Variants in FNDC1 observed in about 807,000 individuals in gnomAD.
FNDC1 encodes the protein fibronectin type III domain containing 1.
FNDC1 carries 96 observed loss-of-function variants against 168.0 expected under a neutral mutation model. That is an observed-to-expected ratio of 0.57 (90% CI 0.48 to 0.68). The LOEUF (loss-of-function observed/expected upper bound fraction) is 0.68. Among genes scored for constraint, FNDC1 ranks in the 30% least tolerant of loss-of-function variants. The probability of loss-of-function intolerance (pLI) is 0.00; values close to 1 mark genes in which losing one functional copy is unlikely to be tolerated. For missense variants in FNDC1, 2,587 were observed against 2,482.1 expected, an observed-to-expected ratio of 1.04 and a Z score of -0.90; for synonymous variants, 1,099 against 1,025.9, an observed-to-expected ratio of 1.07 and a Z score of -1.36.
chr6:159,192,221 T>C (rs1010552124), intron 1 of FNDC1, among the ~76,000 whole-genome samples: 9 of 152,114 alleles, frequency 5.9e-5, no homozygotes, highest in African/African-American at 1.9e-4. Flanking sequence ...CTCTAAAATC[T>C]ACCATCCATT....
Position 159,200,552 on chromosome 6 carries a change from GT to G in FNDC1, c.432del (p.Pro145GlnfsTer61). 1 of 1,599,160 alleles carries G rather than the reference GT, an allele frequency of 6.3e-7. No homozygotes were observed. The highest frequency in any genetic ancestry group is 8.5e-7 in the Non-Finnish European group (1 of 1,172,144). ...GAGATTGATGGTTTTCCCATTAAGG[GT>G]CCAGGACCATTTAATGAAACCGTCA... is the stretch of plus-strand genomic sequence containing the variant. Reference protein sequence around the residue: ...WIEIDGFPIKGPGPFNETVTE... With the variant: ...WIEIDGFPIKXPGPFNETVTE... On this transcript the variant is annotated frameshift_variant, in exon 4 of 23. Coordinates refer to ENST00000297267, the MANE Select transcript of FNDC1 (RefSeq NM_032532.3). LOFTEE classifies it high-confidence loss of function.
In FNDC1 at chr6:159,207,405, C is replaced by T. The variant is rs140611185; in HGVS notation, c.460+6824C>T. On this transcript the variant is annotated intron_variant, in intron 4 of 22. Transcript: ENST00000297267. ...TGCCTTCAAGTCCTGGACTTGCCTT[C>T]CAGTCCTGGAAGAACCTACAGTAGT... 8.8e-4 allele frequency among the ~76,000 whole-genome samples: 134 copies of T among 152,316 alleles called. 1 individual carries two copies. Among genetic ancestry groups the T allele is most frequent in the African/African-American group, 3.0e-3 (123 of 41,566 alleles).
Position 159,187,574 on chromosome 6 carries a change from G to A in FNDC1, c.110-9857G>A, listed in dbSNP as rs140552897. Among the ~76,000 whole-genome samples the A allele has an allele frequency of 1.8e-4, 28 of 152,242 alleles. No individual in the cohort carries two copies. The East Asian group carries it at 3.3e-3, about 18-fold the overall frequency. On this transcript the variant is annotated intron_variant, in intron 1 of 22. Coordinates refer to ENST00000297267, the MANE Select transcript of FNDC1 (RefSeq NM_032532.3). Reference sequence around the variant, plus strand: ...AGGGGGTTCTTTTCATACCCAGACTGTGTCTACCCAACAGCAGCCTCCTCG... The same window carrying A: ...AGGGGGTTCTTTTCATACCCAGACTATGTCTACCCAACAGCAGCCTCCTCG...
rs1170852361 is a variant in FNDC1 at position 159,246,928 on chromosome 6, C to A, written c.4649C>A (p.Thr1550Asn). 6.2e-7 allele frequency: 1 copy of A among 1,613,196 alleles called. No individual in the cohort carries two copies. The highest frequency in any genetic ancestry group is 1.7e-5 in the Admixed American group (1 of 60,018). ...EDEFSGLETD[T>N]AVPTEEAYVI... ...GAGTTCTCAGGCTTGGAGACTGACA[C>A]TGCAGTACCTACGGAAGAGGCCTAC... is the stretch of plus-strand genomic sequence containing the variant. The change falls in exon 15 of 23, where the codon ACT (threonine) becomes AAT (asparagine). Residue 1550 changes from threonine (T) to asparagine (N), a missense_variant. By Grantham distance (65) the Thr-to-Asn change is moderately conservative (BLOSUM62 0). Transcript: ENST00000297267.
chr6:159,246,855 G>A (rs1204960872), intron 14 of FNDC1, 46 bp from the exon 15 acceptor site: 2 of 1,386,338 alleles, frequency 1.4e-6, no homozygotes, highest in South Asian at 1.2e-5. Context: ...AGAGAACCCT[G>A]GAGAAGGAGC....
chr6:159,204,021 G>A (rs1369767162), intron 4 of FNDC1, among the ~76,000 whole-genome samples: 1 of 152,124 alleles, frequency 6.6e-6, no homozygotes, highest in African/African-American at 2.4e-5. Context: ...GCCTAAACTA[G>A]GCCTAGTACT....
Position 159,234,224 on chromosome 6 carries a change from G to C in FNDC1, c.3712G>C (p.Ala1238Pro). The C allele has an allele frequency of 6.3e-7, 1 of 1,593,996 alleles. No homozygotes were observed. The highest frequency in any genetic ancestry group is 8.5e-7 in the Non-Finnish European group (1 of 1,170,232). ...GCTTGCCCCTCGCGGAGGGAGCCTGGCTCCTGTGAAGCGACCTCTCCCCCC... is the reference window on the plus strand; with the variant it reads ...GCTTGCCCCTCGCGGAGGGAGCCTGCCTCCTGTGAAGCGACCTCTCCCCCC... ...IALAPRGGSL[A>P]PVKRPLPPPP... is the part of the protein sequence containing the mutation. The change falls in exon 11 of 23, where the codon GCT becomes CCT. Residue 1238 changes from alanine (A) to proline (P), a missense_variant. Ala to Pro is a conservative substitution (Grantham distance 27). Transcript: ENST00000297267.
At chr6:159,267,657 C>A in intron 21 of FNDC1, 147 bp from the exon 22 acceptor site, 1 of 768,792 alleles carries the variant, frequency 1.3e-6, no homozygotes, top group Admixed American at 2.9e-5. Context: ...GTGCCATTAT[C>A]ACCATTTTCA....
intron 14 of FNDC1, among the ~76,000 whole-genome samples, chr6:159,242,952 T>G (rs1472234874): frequency 6.6e-6 from 1 of 152,240 alleles, no homozygotes; most frequent in Non-Finnish European, 1.5e-5. Context: ...TTATTTCCAC[T>G]TTTTGGTTAT....
intron 1 of FNDC1, among the ~76,000 whole-genome samples, chr6:159,180,883 G>A (rs754484767): frequency 1.3e-5 from 2 of 152,072 alleles, no homozygotes; most frequent in Non-Finnish European, 2.9e-5. Flanking sequence ...GTCTATCACT[G>A]ATGTGATAGA....
intron 4 of FNDC1, among the ~76,000 whole-genome samples, chr6:159,211,686 C>G (rs1782609711): frequency 6.6e-6 from 1 of 152,140 alleles, no homozygotes; most frequent in Admixed American, 6.5e-5. Flanking sequence ...TGAGGGATTT[C>G]ATTTTTGTCA....
At chr6:159,221,465 GA>G (rs1460265463) in intron 5 of FNDC1, 132 bp from the exon 6 acceptor site, 3 of 686,050 alleles carry the variant, frequency 4.4e-6, no homozygotes, top group Non-Finnish European at 7.7e-6. Flanking sequence ...CAAGAAGTGG[GA>G]ATACCCCCAG....
At chr6:159,257,259 T>C (rs1428081478) in intron 18 of FNDC1, among the ~76,000 whole-genome samples, 1 of 152,176 alleles carries the variant, frequency 6.6e-6, no homozygotes, top group East Asian at 1.9e-4. Context: ...GGAAAGCTCC[T>C]GGGTGGGTGA....
At chr6:159,247,045 G>A (rs1777153482) in intron 15 of FNDC1, 76 bp downstream of exon 15, 2 of 1,094,176 alleles carry the variant, frequency 1.8e-6, no homozygotes, top group Non-Finnish European at 2.8e-6. Context: ...CTATTGAGTG[G>A]ATGATCTTGA....
chr6:159,210,842 C>T (rs1562638529), intron 4 of FNDC1, among the ~76,000 whole-genome samples: 1 of 152,206 alleles, frequency 6.6e-6, no homozygotes, highest in Non-Finnish European at 1.5e-5. Context: ...TGCTCCCGGA[C>T]ACACATTCTC....
At chr6:159,229,644 T>C (rs1006934123) in intron 9 of FNDC1, among the ~76,000 whole-genome samples, 171 bp from the exon 10 acceptor site, 10 of 152,214 alleles carry the variant, frequency 6.6e-5, no homozygotes, top group African/African-American at 1.9e-4. Context: ...CGAATGAATG[T>C]GAGTTCACCT....
At chr6:159,187,207 AAGTT>A (rs1782021645) in intron 1 of FNDC1, among the ~76,000 whole-genome samples, 1 of 152,180 alleles carries the variant, frequency 6.6e-6, no homozygotes, top group Non-Finnish European at 1.5e-5. Context: ...AGAATCCAGT[AAGTT>A]AGAGTTTCAT....
At chr6:159,171,272 G>A (rs1781651952) in intron 1 of FNDC1, among the ~76,000 whole-genome samples, 1 of 152,192 alleles carries the variant, frequency 6.6e-6, no homozygotes, top group Non-Finnish European at 1.5e-5. Context: ...CCAGACTAGA[G>A]GTGGACAAAG....
At chr6:159,249,704 A>G (rs1218294688) in intron 16 of FNDC1, among the ~76,000 whole-genome samples, 1 of 152,242 alleles carries the variant, frequency 6.6e-6, no homozygotes, top group Non-Finnish European at 1.5e-5. Flanking sequence ...TTTCTCAGTA[A>G]TTAAAACAGT....
Sources: allele counts gnomAD v4.1 joint callset (sites outside exome capture counted in the v4.1 genomes callset), GRCh38; gene constraint gnomAD v4.1.1; transcripts MANE v1.5; gene names NCBI Gene and HGNC (gene_info 2026-07-23, HGNC 2026-07-21).